Variants in SNX30 observed in about 807,000 individuals in gnomAD.
SNX30 encodes sorting nexin family member 30, also known as sorting nexin-30.
A neutral mutation model predicts 46.4 loss-of-function variants in SNX30; 24 were observed. The ratio of observed to expected loss-of-function variants is 0.52; its 90% CI spans 0.37 to 0.73. SNX30 has a LOEUF of 0.73. Ranked by LOEUF, SNX30 falls within the 30% of genes least tolerant of loss-of-function variation. The probability of loss-of-function intolerance (pLI) is 0.00; values close to 1 mark genes in which losing one functional copy is unlikely to be tolerated. For missense variants in SNX30, 533 were observed against 555.7 expected, an observed-to-expected ratio of 0.96 and a Z score of 0.41; for synonymous variants, 189 against 211.5, an observed-to-expected ratio of 0.89 and a Z score of 0.92.
chr9:112,783,116 C>T lies in SNX30; in HGVS notation c.157-21660C>T, dbSNP rs377068646. 3.3e-5 allele frequency among the ~76,000 whole-genome samples: 5 copies of T among 152,330 alleles called. No individual in the cohort carries two copies. The East Asian group carries it at 9.6e-4, about 29-fold the overall frequency. On this transcript the variant is annotated intron_variant, in intron 1 of 8. Coordinates refer to ENST00000374232, the MANE Select transcript of SNX30 (RefSeq NM_001012994.2). ...AAGAATTGCTTACCACCAGGCACTTCTCCAGATGCCACAGATGCAAAGGTG... is the reference window on the plus strand; with the variant it reads ...AAGAATTGCTTACCACCAGGCACTTTTCCAGATGCCACAGATGCAAAGGTG...
intron 1 of SNX30, among the ~76,000 whole-genome samples, chr9:112,759,643 C>T (rs1002247215): frequency 8.6e-5 from 13 of 151,836 alleles, no homozygotes; most frequent in Admixed American, 3.3e-4. Flanking sequence ...GCAGGAGAAT[C>T]GCTTGAACCG....
intron 1 of SNX30, among the ~76,000 whole-genome samples, chr9:112,785,665 T>C (rs1387614826): frequency 2.0e-5 from 3 of 152,034 alleles, no homozygotes; most frequent in Non-Finnish European, 4.4e-5. Flanking sequence ...ATTACAGGCA[T>C]GTGCCACCAC....
intron 2 of SNX30, among the ~76,000 whole-genome samples, chr9:112,812,928 C>G (rs1420216580): frequency 6.6e-6 from 1 of 152,126 alleles, no homozygotes; most frequent in Non-Finnish European, 1.5e-5. Context: ...GGGTGGATCA[C>G]TTGAGGTCAG....
At chr9:112,755,615 T>G (rs949961337) in intron 1 of SNX30, among the ~76,000 whole-genome samples, 1 of 151,784 alleles carries the variant, frequency 6.6e-6, no homozygotes, top group African/African-American at 2.4e-5. Flanking sequence ...TTCCCCTGAA[T>G]TAGTTAGGAT....
At chr9:112,848,530 G>A (rs1308497297) in intron 6 of SNX30, among the ~76,000 whole-genome samples, 1 of 152,202 alleles carries the variant, frequency 6.6e-6, no homozygotes, top group Non-Finnish European at 1.5e-5. Context: ...CATGAGCCAG[G>A]TGTGGCCTTG....
intron 3 of SNX30, among the ~76,000 whole-genome samples, chr9:112,819,266 C>CTTTTTTTTTTTTTTTTTTTT (rs35138610): frequency 8.5e-6 from 1 of 117,028 alleles, no homozygotes; most frequent in Non-Finnish European, 1.7e-5. Flanking sequence ...TTCTTTCTTT[C>CTTTTTTTTTTTTTTTTTTTT]TTTTTTTTTT....
chr9:112,866,608 A>G (rs749585299), intron 8 of SNX30: 32 of 459,532 alleles, frequency 7.0e-5, no homozygotes, highest in Non-Finnish European at 1.4e-4. Context: ...CCTCAGAGTC[A>G]CCAAGGAGGA....
chr9:112,832,487 T>A (rs373604771), intron 4 of SNX30, among the ~76,000 whole-genome samples: 103,776 of 131,614 alleles, frequency 0.79, 39,955 homozygotes, highest in South Asian at 0.86. Flanking sequence ...TGTGTGTGTG[T>A]GTGTGTGTGA....
rs747329540 is a variant in SNX30, at chr9:112,868,771, G to A, written c.1255-13G>A. The A allele has an allele frequency of 1.9e-6, 3 of 1,613,876 alleles. No individual in the cohort carries two copies. Among genetic ancestry groups the A allele is most frequent in the Non-Finnish European group, 2.5e-6 (3 of 1,179,872 alleles). On this transcript the variant is annotated splice_polypyrimidine_tract_variant and intron_variant, in intron 8 of 8. Coordinates refer to ENST00000374232, the MANE Select transcript of SNX30 (RefSeq NM_001012994.2). ...CTCAAAGCTGATACTGTGTGTGTAT[G>A]TTGTCGTTCCAGTGCCTCATGGCGT...
chr9:112,757,418 T>C (rs376333575), intron 1 of SNX30, among the ~76,000 whole-genome samples: 3 of 152,328 alleles, frequency 2.0e-5, no homozygotes, highest in East Asian at 3.9e-4. Flanking sequence ...CTGCTTAGGT[T>C]GTTTCTATAT....
chr9:112,761,429 C>A (rs1033256644), intron 1 of SNX30, among the ~76,000 whole-genome samples: 10 of 152,136 alleles, frequency 6.6e-5, no homozygotes, highest in African/African-American at 2.2e-4. Flanking sequence ...TCCCAGAGTG[C>A]TAGGATTACA....
chr9:112,879,883 C>T, downstream of SNX30: 1 of 1,447,698 alleles, frequency 6.9e-7, no homozygotes, highest in Non-Finnish European at 9.7e-7. Context: ...GTGAAACTGC[C>T]CTCACAGGGT....
In SNX30 at chr9:112,795,789, A is replaced by ACACACACG. The variant is rs1242280188; in HGVS notation, c.157-8980_157-8973dup. ...GTCACACACACACACACACACACAC[A>ACACACACG]CACACACGCACACATGATGAGCAAG... On this transcript the variant is annotated intron_variant, in intron 1 of 8. Transcript: ENST00000374232. 2.8e-3 allele frequency among the ~76,000 whole-genome samples: 433 copies of ACACACACG among 151,950 alleles called. 3 individuals are homozygous for ACACACACG. Among genetic ancestry groups the ACACACACG allele is most frequent in the African/African-American group, 0.01 (415 of 41,392 alleles).
chr9:112,873,459 T>TC lies in SNX30; in HGVS notation c.*4617dup, dbSNP rs1317862828. On this transcript the variant is annotated 3_prime_UTR_variant, in exon 9 of 9. Transcript: ENST00000374232. ...GGTAGAAAGAGTTTTAGAAATGTAATCAGTTGTTCAGCTTCAATAATATAG... is the reference window on the plus strand; with the variant it reads ...GGTAGAAAGAGTTTTAGAAATGTAATCCAGTTGTTCAGCTTCAATAATATAG... 1 of 152,212 alleles carries TC rather than the reference T, an allele frequency of 6.6e-6. No individual in the cohort carries two copies. Among genetic ancestry groups the TC allele is most frequent in the Admixed American group, 6.5e-5 (1 of 15,284 alleles). The allele number at this position is 152,212 out of a possible 1,614,324, so 9.4% of individuals were successfully genotyped here.
At chr9:112,814,724 G>A (rs1268221567) in intron 2 of SNX30, among the ~76,000 whole-genome samples, 3 of 152,186 alleles carry the variant, frequency 2.0e-5, no homozygotes, top group Admixed American at 6.5e-5. Flanking sequence ...AGAATACGTG[G>A]TAAGAATATA....
At chr9:112,846,062 G>A (rs1307861996) in intron 6 of SNX30, among the ~76,000 whole-genome samples, 1 of 151,622 alleles carries the variant, frequency 6.6e-6, no homozygotes, top group Non-Finnish European at 1.5e-5. Context: ...AACCATAATA[G>A]GAATAAAAAA....
At chr9:112,881,096 T>C (rs1477774227) in intron 5 of SNX30, among the ~76,000 whole-genome samples, 1 of 152,204 alleles carries the variant, frequency 6.6e-6, no homozygotes, top group African/African-American at 2.4e-5. Context: ...TCCATTACAT[T>C]GTTTAAAATT....
intron 2 of SNX30, among the ~76,000 whole-genome samples, chr9:112,811,329 C>G (rs1300067282): frequency 6.6e-6 from 1 of 152,166 alleles, no homozygotes; most frequent in Admixed American, 6.5e-5. Flanking sequence ...ACAGATGGCA[C>G]TTGTGATAAA....
intron 1 of SNX30, among the ~76,000 whole-genome samples, chr9:112,775,142 A>C (rs1466764761): frequency 6.8e-6 from 1 of 147,338 alleles, no homozygotes; most frequent in Non-Finnish European, 1.5e-5. Flanking sequence ...GCCCAGCCTA[A>C]ATTTTTTCTT....
Sources: gnomAD v4.1 joint callset for allele counts (sites outside exome capture counted in the v4.1 genomes callset) on GRCh38, gnomAD v4.1.1 for gene constraint, MANE v1.5 for transcripts, NCBI Gene and HGNC (gene_info 2026-07-23, HGNC 2026-07-21) for gene names.